The following AGBL4 variants were observed in gnomAD, a reference collection of about 807,000 sequenced individuals.
The protein encoded by AGBL4 is cytosolic carboxypeptidase 6.
Under a neutral mutation model 66.4 loss-of-function variants are expected in AGBL4, and 58 were observed. The observed-to-expected ratio is 0.87, with a 90% CI of 0.71 to 1.09. The LOEUF (loss-of-function observed/expected upper bound fraction) is 1.09, where lower values mean the gene tolerates loss of function less well. Among genes scored for constraint, AGBL4 ranks in the 50% least tolerant of loss-of-function variants. The pLI is 0.00. For synonymous variants in AGBL4, 234 were observed against 222.9 expected, an observed-to-expected ratio of 1.05 and a Z score of -0.44; for missense variants, 579 against 631.0, an observed-to-expected ratio of 0.92 and a Z score of 0.88.
At chr1:48,569,894 T>G (rs1273285451) in intron 11 of AGBL4, among the ~76,000 whole-genome samples, 1 of 152,246 alleles carries the variant, frequency 6.6e-6, no homozygotes, top group Non-Finnish European at 1.5e-5. Context: ...TAGAACATCT[T>G]AATCTCAGGT....
chr1:49,956,305 C>A (rs1251037876), intron 1 of AGBL4, among the ~76,000 whole-genome samples: 1 of 151,764 alleles, frequency 6.6e-6, no homozygotes, highest in Non-Finnish European at 1.5e-5. Flanking sequence ...AGCTTTCAAT[C>A]TTCTGGGCCC....
chr1:48,685,612 C>A (rs1464322637), intron 6 of AGBL4, among the ~76,000 whole-genome samples: 3 of 152,102 alleles, frequency 2.0e-5, no homozygotes, highest in African/African-American at 7.2e-5. Flanking sequence ...TCTATTGCTG[C>A]ATCTTTGAAA....
chr1:49,485,024 T>C (rs992427601), intron 3 of AGBL4, among the ~76,000 whole-genome samples: 2 of 152,022 alleles, frequency 1.3e-5, no homozygotes, highest in African/African-American at 4.8e-5. Context: ...GTAAACTAGT[T>C]CAACCATTGG....
intron 9 of AGBL4, among the ~76,000 whole-genome samples, chr1:48,626,466 C>T (rs1464691416): frequency 6.6e-6 from 1 of 152,234 alleles, no homozygotes. Flanking sequence ...TCAGTCTGTC[C>T]TTCTCTGGCA....
intron 4 of AGBL4, among the ~76,000 whole-genome samples, chr1:49,070,817 C>T (rs1289091482): frequency 2.6e-5 from 4 of 151,948 alleles, no homozygotes; most frequent in Non-Finnish European, 4.4e-5. Context: ...GTACCAGCTC[C>T]TCTTTGTGCC....
Position 48,568,113 on chromosome 1 carries a change from A to G in AGBL4, c.1267+18891T>C, listed in dbSNP as rs575244550. ...GCCCTCAAGCCCCACTGGGTCTTAC[A>G]GTTGCTGTTTTTCTTTTTGGATCAA... On this transcript the variant is annotated intron_variant, in intron 11 of 13. Coordinates refer to ENST00000371839, the MANE Select transcript of AGBL4 (RefSeq NM_032785.4). Among the ~76,000 whole-genome samples the G allele has an allele frequency of 2.6e-5, 4 of 152,292 alleles. No homozygotes were observed. The East Asian group carries it at 5.8e-4, about 22-fold the overall frequency.
At chr1:48,643,782 G>GCT (rs1645794395) in intron 8 of AGBL4, among the ~76,000 whole-genome samples, 1 of 110,312 alleles carries the variant, frequency 9.1e-6, no homozygotes, top group Non-Finnish European at 2.3e-5. Context: ...CGGAAAAGAA[G>GCT]CAGAGCCCGT....
chr1:49,752,953 T>A (rs911493009), intron 2 of AGBL4, among the ~76,000 whole-genome samples: 1 of 152,244 alleles, frequency 6.6e-6, no homozygotes, highest in East Asian at 1.9e-4. Context: ...ATTTTGAGCC[T>A]ATGTGTGTCT....
At chr1:48,749,316 C>A (rs988948336) in intron 6 of AGBL4, among the ~76,000 whole-genome samples, 2 of 152,068 alleles carry the variant, frequency 1.3e-5, no homozygotes, top group Non-Finnish European at 2.9e-5. Flanking sequence ...ACATAAACAC[C>A]GAGGGGATGT....
chr1:49,750,917 C>T (rs1169484431), intron 2 of AGBL4, among the ~76,000 whole-genome samples: 1 of 151,816 alleles, frequency 6.6e-6, no homozygotes, highest in African/African-American at 2.4e-5. Flanking sequence ...ACAAATGATG[C>T]GATTTTTGCA....
At chr1:48,988,184 T>C (rs1660322307) in intron 5 of AGBL4, among the ~76,000 whole-genome samples, 1 of 152,108 alleles carries the variant, frequency 6.6e-6, no homozygotes, top group South Asian at 2.1e-4. Context: ...AAAAATTATC[T>C]ATGAGCCACT....
At chr1:48,700,612 C>A (rs72902849) in intron 6 of AGBL4, among the ~76,000 whole-genome samples, 1 of 152,178 alleles carries the variant, frequency 6.6e-6, no homozygotes, top group African/African-American at 2.4e-5. Context: ...CTGCATGTCC[C>A]TCTGCTGTGT....
chr1:48,647,666 T>A, intron 8 of AGBL4: 1 of 431,622 alleles, frequency 2.3e-6, no homozygotes. Flanking sequence ...ATGGAAAGTC[T>A]GTTTTTCAAA....
rs1644117200 is a variant in AGBL4, at chr1:48,543,880, TTG to T, written c.1268-4144_1268-4143del. Among the ~76,000 whole-genome samples, 3 of 152,342 alleles carry T rather than the reference TTG, an allele frequency of 2.0e-5. No homozygotes were observed. The South Asian group carries it at 6.2e-4, about 32-fold the overall frequency. ...TAATGAAGGCTATTTTATCTCTTTT[TTG>T]TTATGGGAGGTTAAGGAATTTGTCC... On this transcript the variant is annotated intron_variant, in intron 11 of 13. Transcript: ENST00000371839.
At chr1:49,136,877 A>T (rs768511051) in intron 4 of AGBL4, among the ~76,000 whole-genome samples, 34 of 152,158 alleles carry the variant, frequency 2.2e-4, no homozygotes, top group Non-Finnish European at 4.6e-4. Context: ...ATTTAGCTAC[A>T]AAAATATGCT....
At chr1:49,971,907 G>GTTTTTTTTTT (rs745772850) in intron 1 of AGBL4, among the ~76,000 whole-genome samples, 312 of 23,414 alleles carry the variant, frequency 0.013, 1 homozygote, top group South Asian at 0.049. Flanking sequence ...GTTTTTTTGG[G>GTTTTTTTTTT]TTTTTTTTTT....
At chr1:49,975,596 G>A (rs557469544) in intron 1 of AGBL4, among the ~76,000 whole-genome samples, 1 of 152,104 alleles carries the variant, frequency 6.6e-6, no homozygotes, top group Non-Finnish European at 1.5e-5. Flanking sequence ...GCACGCTCCT[G>A]TCTTACCACT....
chr1:49,460,988 C>T (rs1304754866), intron 3 of AGBL4, among the ~76,000 whole-genome samples: 4 of 151,598 alleles, frequency 2.6e-5, no homozygotes, highest in Non-Finnish European at 5.9e-5. Flanking sequence ...ACAGGTTTTC[C>T]TTTGTAGGGT....
chr1:49,462,587 A>G (rs1035463338), intron 3 of AGBL4, among the ~76,000 whole-genome samples: 1 of 151,804 alleles, frequency 6.6e-6, no homozygotes, highest in African/African-American at 2.4e-5. Context: ...CATTCAAAAA[A>G]TAGCTTAAAG....
Sources: allele counts gnomAD v4.1 joint callset (sites outside exome capture counted in the v4.1 genomes callset), GRCh38; gene constraint gnomAD v4.1.1; transcripts MANE v1.5; gene names NCBI Gene and HGNC (gene_info 2026-07-23, HGNC 2026-07-21).